ZGRF1: variants seen among roughly 807,000 people sequenced by gnomAD.
ZGRF1 encodes zinc finger GRF-type containing 1, also known as 5'-3' DNA helicase ZGRF1.
In ZGRF1, 196 loss-of-function variants were observed where a neutral mutation model predicts 203.5. The observed-to-expected ratio is 0.96, with a 90% CI of 0.86 to 1.08. The LOEUF is 1.08. Ranked by LOEUF, ZGRF1 falls within the 50% of genes least tolerant of loss-of-function variation. ZGRF1 has a pLI of 0.00. For missense variants in ZGRF1, 2,326 were observed against 2,416.3 expected, an observed-to-expected ratio of 0.96 and a Z score of 0.78; for synonymous variants, 809 against 841.3, an observed-to-expected ratio of 0.96 and a Z score of 0.66.
At chr4:112,628,805 C>A in intron 3 of ZGRF1, 1 of 437,128 alleles carries the variant, frequency 2.3e-6, no homozygotes, top group Non-Finnish European at 4.5e-6. Context: ...ATGCAGAATC[C>A]AATCAGATGG....
At chr4:112,556,229 C>G (rs145612740) in intron 20 of ZGRF1, among the ~76,000 whole-genome samples, 1 of 151,910 alleles carries the variant, frequency 6.6e-6, no homozygotes, top group South Asian at 2.1e-4. Context: ...GATTATTTTC[C>G]TAAGGAAAGA....
chr4:112,603,479 TAAAG>T (rs1177046648), intron 10 of ZGRF1, 41 bp downstream of exon 10: 7 of 1,402,152 alleles, frequency 5.0e-6, no homozygotes, highest in Admixed American at 1.8e-5. Flanking sequence ...AGTATTAACA[TAAAG>T]AAAATGATTT....
At chr4:112,559,783 C>T (rs888277109) in intron 19 of ZGRF1, among the ~76,000 whole-genome samples, 1 of 152,224 alleles carries the variant, frequency 6.6e-6, no homozygotes, top group East Asian at 1.9e-4. Context: ...ATACAGCTAA[C>T]AAATGATACA....
intron 27 of ZGRF1, 51 bp from the exon 28 acceptor site, chr4:112,539,740 C>G: frequency 6.4e-7 from 1 of 1,560,946 alleles, no homozygotes; most frequent in East Asian, 2.2e-5. Context: ...TACAGAGGTC[C>G]CAATATTATC....
chr4:112,581,617 GATA>G (rs1746270744), intron 16 of ZGRF1, 43 bp downstream of exon 16: 2 of 1,412,330 alleles, frequency 1.4e-6, no homozygotes, highest in Non-Finnish European at 9.4e-7. Context: ...ATGTAATGGA[GATA>G]ATAAGGCTAG....
Position 112,633,256 on chromosome 4 carries a change from T to C in ZGRF1, c.-66-14A>G. On this transcript the variant is annotated splice_polypyrimidine_tract_variant and intron_variant, in intron 1 of 27. Transcript: ENST00000505019. ...TATTTATACCACCTAAAATTAAAAATGACATAAAATTTCAACCCTGATTTT... is the reference window on the plus strand; with the variant it reads ...TATTTATACCACCTAAAATTAAAAACGACATAAAATTTCAACCCTGATTTT... 8.5e-7 allele frequency: 1 copy of C among 1,173,712 alleles called. No homozygotes were observed. 72.7% of individuals were successfully genotyped at this position (1,173,712 alleles called of 1,614,324 possible).
chr4:112,623,072 T>A (rs373105463), intron 4 of ZGRF1, among the ~76,000 whole-genome samples: 2 of 152,224 alleles, frequency 1.3e-5, no homozygotes, highest in African/African-American at 4.8e-5. Flanking sequence ...CATGTAATAT[T>A]TGGTTCCCAC....
At chr4:112,593,065 G>C (rs1748447567) in intron 10 of ZGRF1, among the ~76,000 whole-genome samples, 1 of 152,206 alleles carries the variant, frequency 6.6e-6, no homozygotes, top group South Asian at 2.1e-4. Context: ...CTGGAACCTT[G>C]ATCTTGGACT....
chr4:112,630,082 C>A, intron 3 of ZGRF1: 1 of 157,480 alleles, frequency 6.4e-6, no homozygotes, highest in South Asian at 1.7e-4. Context: ...TAAGCTAAAA[C>A]CCTACTGAAA....
At position 112,617,824 on chromosome 4, in the gene ZGRF1, G is replaced by A. The variant is rs1560866689; in HGVS notation, c.2218C>T (p.Leu740=). 1 of 1,614,024 alleles carries A rather than the reference G, an allele frequency of 6.2e-7. No individual in the cohort carries two copies. The highest frequency in any genetic ancestry group is 8.5e-7 in the Non-Finnish European group (1 of 1,179,934). ...STSSSDNSVQ[L]LNTNQNHYEC... ...TAGTGATTCTGATTGGTATTTAATAGTTGGACACTGTTGTCACTACTAGAA... is the reference window on the plus strand; with the variant it reads ...TAGTGATTCTGATTGGTATTTAATAATTGGACACTGTTGTCACTACTAGAA... Residue 740 remains leucine (L), a synonymous_variant, in exon 6 of 28, where the codon CTA becomes TTA. Transcript: ENST00000505019.
intron 20 of ZGRF1, among the ~76,000 whole-genome samples, chr4:112,557,175 CT>C (rs111925781): frequency 0.014 from 1,938 of 143,074 alleles, 11 homozygotes; most frequent in Middle Eastern, 0.046. Flanking sequence ...ACTTCTTCTT[CT>C]TTTTTTTTTT....
chr4:112,585,099 A>G (rs914831300), intron 14 of ZGRF1, among the ~76,000 whole-genome samples: 4 of 152,044 alleles, frequency 2.6e-5, no homozygotes, highest in African/African-American at 7.2e-5. Context: ...TATTTTATCA[A>G]TTACAGAAGT....
chr4:112,545,557 T>C (rs779356336), intron 24 of ZGRF1, among the ~76,000 whole-genome samples: 6 of 152,160 alleles, frequency 3.9e-5, no homozygotes, highest in Non-Finnish European at 7.4e-5. Context: ...GCCGCTGCTA[T>C]AGAAAAAAGT....
chr4:112,611,013 C>A, intron 7 of ZGRF1: 2 of 228,142 alleles, frequency 8.8e-6, no homozygotes, highest in South Asian at 9.1e-5. Context: ...TTTTTCTTCA[C>A]TGTTTTCTGT....
chr4:112,542,059 C>T (rs540908991), intron 24 of ZGRF1, among the ~76,000 whole-genome samples: 8 of 152,200 alleles, frequency 5.3e-5, no homozygotes, highest in East Asian at 1.9e-4. Context: ...ATAATGCTCA[C>T]GCCAGGCGCA....
At chr4:112,600,972 C>T (rs1296192771) in intron 10 of ZGRF1, among the ~76,000 whole-genome samples, 1 of 151,974 alleles carries the variant, frequency 6.6e-6, no homozygotes, top group East Asian at 1.9e-4. Context: ...TTTCTCAATC[C>T]TTTGACTCTG....
At chr4:112,581,134 T>A (rs1746165451) in intron 16 of ZGRF1, among the ~76,000 whole-genome samples, 2 of 151,880 alleles carry the variant, frequency 1.3e-5, no homozygotes, top group Non-Finnish European at 2.9e-5. Context: ...TGTAGGGACA[T>A]GGATGAAGCT....
At chr4:112,576,903 A>G (rs77468948) in intron 16 of ZGRF1, among the ~76,000 whole-genome samples, 3 of 152,012 alleles carry the variant, frequency 2.0e-5, no homozygotes, top group South Asian at 4.1e-4. Flanking sequence ...GCAGGCCAAC[A>G]TTCAAATTCA....
intron 3 of ZGRF1, among the ~76,000 whole-genome samples, chr4:112,631,046 T>C (rs957559229): frequency 1.3e-5 from 2 of 152,200 alleles, no homozygotes; most frequent in African/African-American, 4.8e-5. Flanking sequence ...TTCAGTAAAA[T>C]AAAGATTAAA....
Sources: allele counts gnomAD v4.1 joint callset (sites outside exome capture counted in the v4.1 genomes callset), GRCh38; gene constraint gnomAD v4.1.1; transcripts MANE v1.5; gene names NCBI Gene and HGNC (gene_info 2026-07-23, HGNC 2026-07-21).